The following NRG3 variants were observed in gnomAD, a reference collection of about 807,000 sequenced individuals.
The protein encoded by NRG3 is neuregulin 3.
In NRG3, 31 loss-of-function variants were observed where a neutral mutation model predicts 66.9. The observed-to-expected ratio is 0.46, with a 90% CI of 0.35 to 0.63. The LOEUF (loss-of-function observed/expected upper bound fraction) is 0.63. Among genes scored for constraint, NRG3 ranks in the 20% least tolerant of loss-of-function variants. NRG3 has a pLI of 0.00. For missense variants in NRG3, 910 were observed against 878.9 expected, an observed-to-expected ratio of 1.04 and a Z score of -0.45; for synonymous variants, 393 against 359.4, an observed-to-expected ratio of 1.09 and a Z score of -1.06.
intron 2 of NRG3, among the ~76,000 whole-genome samples, chr10:82,695,891 A>C (rs1028882259): frequency 7.2e-5 from 11 of 152,086 alleles, no homozygotes; most frequent in Non-Finnish European, 1.3e-4. Context: ...CTCTCCCTTA[A>C]AACCTTTACC....
At chr10:82,305,095 C>T (rs1333892341) in intron 1 of NRG3, among the ~76,000 whole-genome samples, 4 of 148,176 alleles carry the variant, frequency 2.7e-5, no homozygotes, top group Non-Finnish European at 4.5e-5. Context: ...CCTGGGTTCA[C>T]GCCATTCTCC....
At chr10:82,067,186 G>A (rs187015981) in intron 1 of NRG3, among the ~76,000 whole-genome samples, 11 of 152,212 alleles carry the variant, frequency 7.2e-5, no homozygotes, top group African/African-American at 2.6e-4. Flanking sequence ...TTTGAAGTTA[G>A]TGGAATTTTT....
intron 2 of NRG3, among the ~76,000 whole-genome samples, chr10:82,450,863 T>G (rs2090990399): frequency 6.6e-6 from 1 of 152,230 alleles, no homozygotes; most frequent in Admixed American, 6.5e-5. Context: ...AACTGAAGGC[T>G]TTGTTTTCCA....
At chr10:82,472,649 T>C (rs759406385) in intron 2 of NRG3, among the ~76,000 whole-genome samples, 14 of 152,246 alleles carry the variant, frequency 9.2e-5, no homozygotes, top group Non-Finnish European at 1.9e-4. Context: ...ATTTAAAGTC[T>C]TTCTTCAGAA....
intron 2 of NRG3, among the ~76,000 whole-genome samples, chr10:82,360,199 C>T (rs933536843): frequency 9.2e-5 from 14 of 152,162 alleles, no homozygotes. Flanking sequence ...GATTGTTTCT[C>T]TCCACACTCC....
intron 1 of NRG3, chr10:82,225,636 G>C (rs1474550696): frequency 6.6e-6 from 1 of 152,112 alleles, no homozygotes; most frequent in Admixed American, 6.6e-5. Flanking sequence ...TAAACTCAGA[G>C]TAATTATCAG....
chr10:82,042,787 TA>T (rs1013537919), intron 1 of NRG3, among the ~76,000 whole-genome samples: 4 of 152,042 alleles, frequency 2.6e-5, no homozygotes, highest in African/African-American at 9.7e-5. Context: ...TTTCTTGTGA[TA>T]TTTTTGTCAT....
chr10:82,223,682 CAT>C (rs59698716), intron 1 of NRG3, among the ~76,000 whole-genome samples: 201 of 126,856 alleles, frequency 1.6e-3, no homozygotes, highest in Non-Finnish European at 1.9e-3. Flanking sequence ...CACACACACA[CAT>C]ACACACCACC....
Position 82,369,454 on chromosome 10 carries a change from A to G in NRG3, c.953+10586A>G, listed in dbSNP as rs552569503. On this transcript the variant is annotated intron_variant, in intron 2 of 8. Transcript: ENST00000372141. ...ACTGGGACTACAAGTGCACACCATC[A>G]TGCCTGGCTAATTTTTTAAAGTTTT... 1.2e-4 allele frequency among the ~76,000 whole-genome samples: 16 copies of G among 137,558 alleles called. 2 individuals carry two copies. The East Asian group carries it at 3.2e-3, about 28-fold the overall frequency. The allele number at this position is 137,558 out of a possible 152,430, so 90.2% of individuals were successfully genotyped here.
chr10:82,971,786 A>G lies in NRG3; in HGVS notation c.1285-2002A>G, dbSNP rs764092556. Among the ~76,000 whole-genome samples, 4 of 152,200 alleles carry G rather than the reference A, an allele frequency of 2.6e-5. No homozygotes were observed. In the South Asian group the frequency reaches 8.3e-4, roughly 31 times the overall value. On this transcript the variant is annotated intron_variant, in intron 6 of 8. Coordinates refer to ENST00000372141, the MANE Select transcript of NRG3 (RefSeq NM_001010848.4). ...TTTGTTGTTAGGTAGATAAAAATTT[A>G]TGAATATTTATCACTTGGTAGATTG...
chr10:82,475,776 T>C (rs1233198385), intron 2 of NRG3, among the ~76,000 whole-genome samples: 1 of 152,164 alleles, frequency 6.6e-6, no homozygotes, highest in Non-Finnish European at 1.5e-5. Flanking sequence ...TGACATTGGA[T>C]CTGGCAATGA....
At chr10:82,308,568 G>A (rs913605482) in intron 1 of NRG3, among the ~76,000 whole-genome samples, 2 of 152,056 alleles carry the variant, frequency 1.3e-5, no homozygotes, top group Non-Finnish European at 2.9e-5. Context: ...TATTAACATT[G>A]TTTGTGCTGC....
intron 3 of NRG3, chr10:82,827,175 C>G (rs2062260512): frequency 9.6e-6 from 3 of 313,244 alleles, no homozygotes; most frequent in East Asian, 9.9e-5. Flanking sequence ...CTTCATAGCC[C>G]ATATGTGAGA....
chr10:82,065,542 A>G (rs1248854356), intron 1 of NRG3, among the ~76,000 whole-genome samples: 1 of 152,162 alleles, frequency 6.6e-6, no homozygotes, highest in African/African-American at 2.4e-5. Context: ...GTAGGACTCC[A>G]GTCCCTGGCA....
At chr10:82,631,460 A>G (rs1026687619) in intron 2 of NRG3, among the ~76,000 whole-genome samples, 4 of 152,098 alleles carry the variant, frequency 2.6e-5, no homozygotes, top group Non-Finnish European at 4.4e-5. Context: ...CCGAAGAGAT[A>G]CATACAGTCT....
chr10:82,418,755 C>G (rs907823916), intron 2 of NRG3, among the ~76,000 whole-genome samples: 10 of 149,038 alleles, frequency 6.7e-5, no homozygotes, highest in Non-Finnish European at 1.5e-4. Flanking sequence ...TGCCACCATG[C>G]CCTGCTAATA....
chr10:82,731,513 G>A (rs757794873), intron 2 of NRG3, among the ~76,000 whole-genome samples: 4 of 152,106 alleles, frequency 2.6e-5, no homozygotes, highest in South Asian at 4.1e-4. Context: ...ACGTGATAAC[G>A]TGGTATTTGT....
intron 1 of NRG3, among the ~76,000 whole-genome samples, chr10:81,996,213 A>C (rs11192109): frequency 1.3e-5 from 2 of 152,186 alleles, no homozygotes; most frequent in African/African-American, 4.8e-5. Context: ...CATTCTGTCT[A>C]TTGTTTAAAG....
intron 1 of NRG3, among the ~76,000 whole-genome samples, chr10:82,152,978 A>G (rs960794332): frequency 1.3e-5 from 2 of 151,922 alleles, no homozygotes; most frequent in Admixed American, 6.6e-5. Flanking sequence ...ATACTTTGAT[A>G]CACACACGCG....
Sources: allele counts gnomAD v4.1 joint callset (sites outside exome capture counted in the v4.1 genomes callset), GRCh38; gene constraint gnomAD v4.1.1; transcripts MANE v1.5; gene names NCBI Gene and HGNC (gene_info 2026-07-23, HGNC 2026-07-21).